ARHGEF28: variants seen among roughly 807,000 people sequenced by gnomAD.
ARHGEF28 encodes the protein 190 kDa guanine nucleotide exchange factor.
ARHGEF28 carries 152 observed loss-of-function variants against 206.6 expected under a neutral mutation model. The observed-to-expected ratio is 0.74, with a 90% confidence interval of 0.64 to 0.84. ARHGEF28 has a LOEUF of 0.84. Among genes scored for constraint, ARHGEF28 ranks in the 40% least tolerant of loss-of-function variants. The pLI, the probability that ARHGEF28 is intolerant of heterozygous loss-of-function variation, is 0.00. For synonymous variants in ARHGEF28, 763 were observed against 776.4 expected (o/e 0.98, Z 0.29); for missense variants, 2,028 against 2,073.2 (o/e 0.98, Z 0.42).
intron 9 of ARHGEF28, among the ~76,000 whole-genome samples, chr5:73,796,130 T>C (rs1171459876): frequency 6.6e-6 from 1 of 152,188 alleles, no homozygotes; most frequent in Non-Finnish European, 1.5e-5. Flanking sequence ...GAATAGAGCA[T>C]AATGAAGCTA....
intron 2 of ARHGEF28, among the ~76,000 whole-genome samples, chr5:73,704,194 G>A (rs531812664): frequency 4.6e-5 from 7 of 152,154 alleles, no homozygotes; most frequent in African/African-American, 1.4e-4. Context: ...TCCTCATGAT[G>A]TTAACAGCCC....
chr5:73,832,785 A>C (rs1028172617), intron 10 of ARHGEF28, among the ~76,000 whole-genome samples: 1 of 152,200 alleles, frequency 6.6e-6, no homozygotes, highest in Non-Finnish European at 1.5e-5. Flanking sequence ...ACAGCTTTTC[A>C]AAAAACAGTA....
intron 29 of ARHGEF28, among the ~76,000 whole-genome samples, chr5:73,895,814 C>G (rs1367820587): frequency 6.6e-6 from 1 of 152,168 alleles, no homozygotes; most frequent in African/African-American, 2.4e-5. Context: ...TTAACTGGCT[C>G]TTTGCAGAAA....
At chr5:73,784,868 C>A (rs558592142) in intron 7 of ARHGEF28, among the ~76,000 whole-genome samples, 1 of 152,194 alleles carries the variant, frequency 6.6e-6, no homozygotes, top group Admixed American at 6.5e-5. Context: ...GCTTTGGGGT[C>A]ATTAGTAAGT....
chr5:73,636,752 C>T (rs377216195), intron 1 of ARHGEF28, among the ~76,000 whole-genome samples: 2 of 152,160 alleles, frequency 1.3e-5, no homozygotes, highest in Non-Finnish European at 2.9e-5. Context: ...TCACCTTTCT[C>T]GGCTCTGGTG....
intron 9 of ARHGEF28, among the ~76,000 whole-genome samples, chr5:73,816,844 A>G (rs1051845115): frequency 3.9e-5 from 6 of 152,318 alleles, no homozygotes; most frequent in Admixed American, 1.3e-4. Context: ...TTCCTTGCAT[A>G]GGCAGCCCCA....
chr5:73,857,160 G>T (rs560779440), intron 14 of ARHGEF28, among the ~76,000 whole-genome samples: 56 of 152,172 alleles, frequency 3.7e-4, no homozygotes, highest in Non-Finnish European at 5.9e-4. Context: ...TTCTCAGGCC[G>T]TATCAACAGA....
At chr5:73,799,002 C>T (rs979560505) in intron 9 of ARHGEF28, among the ~76,000 whole-genome samples, 3 of 152,190 alleles carry the variant, frequency 2.0e-5, no homozygotes, top group Admixed American at 1.3e-4. Context: ...AGGACAATGG[C>T]TTGAACCTGG....
chr5:73,847,126 T>A (rs183869746), intron 12 of ARHGEF28, among the ~76,000 whole-genome samples: 6 of 152,334 alleles, frequency 3.9e-5, no homozygotes, highest in African/African-American at 1.4e-4. Flanking sequence ...TTTTCCCTGT[T>A]TGATTTGTTA....
chr5:73,932,557 C>T (rs1453307956), intron 35 of ARHGEF28, among the ~76,000 whole-genome samples: 2 of 152,106 alleles, frequency 1.3e-5, no homozygotes, highest in African/African-American at 4.8e-5. Context: ...ATCTTGACTA[C>T]ATTTTCAGTT....
At chr5:73,789,534 G>T (rs938370700) in intron 7 of ARHGEF28, among the ~76,000 whole-genome samples, 1 of 152,002 alleles carries the variant, frequency 6.6e-6, no homozygotes, top group Non-Finnish European at 1.5e-5. Flanking sequence ...CCATTGAAGT[G>T]TATACTCTAA....
In ARHGEF28 at chr5:73,898,112, CT is replaced by C. The variant is rs1762065922; in HGVS notation, c.3973+21del. ...ACTGCCTGTAAGTGAAAATGCAGGC[CT>C]TGGCAATGAGCCTGAGCACAGTCCC... On this transcript the variant is annotated intron_variant, in intron 30 of 35. Transcript: ENST00000513042. 1.2e-6 allele frequency: 2 copies of C among 1,607,894 alleles called. No individual in the cohort carries two copies. Among genetic ancestry groups the C allele is most frequent in the Middle Eastern group, 1.7e-4 (1 of 6,052 alleles).
rs10473959 is a variant in ARHGEF28 at position 73,776,679 on chromosome 5, A to C, written c.823A>C (p.Arg275=). The C allele has an allele frequency of 0.032, 52,403 of 1,613,052 alleles. 1,070 individuals are homozygous for C. The highest frequency in any genetic ancestry group is 0.083 in the African/African-American group (6,209 of 75,004). ...ACTCTTCCGGAAATACTTTTGGGAT[A>C]GAGCCTTTCTTGTCAAGGTTTGTAC... ...IKLFRKYFWD[R]AFLVKAFEPE... is the part of the protein sequence containing the mutation. Residue 275 remains arginine, a synonymous_variant, in exon 6 of 36, where the codon AGA becomes CGA. Transcript: ENST00000513042.
chr5:73,742,684 C>T (rs1307646576), intron 2 of ARHGEF28, among the ~76,000 whole-genome samples: 1 of 150,686 alleles, frequency 6.6e-6, no homozygotes, highest in Non-Finnish European at 1.5e-5. Flanking sequence ...CTTAGCCGGG[C>T]GCGGTGGCGG....
chr5:73,657,417 G>C (rs957180144), intron 1 of ARHGEF28, among the ~76,000 whole-genome samples: 6 of 152,080 alleles, frequency 3.9e-5, no homozygotes, highest in African/African-American at 1.2e-4. Context: ...TGTCAAGTTG[G>C]CCTGTTCCTT....
chr5:73,812,822 A>G (rs912344431), intron 9 of ARHGEF28, among the ~76,000 whole-genome samples: 4 of 152,194 alleles, frequency 2.6e-5, no homozygotes, highest in Non-Finnish European at 2.9e-5. Flanking sequence ...AAATACCCCA[A>G]TTGTGCTAAA....
At chr5:73,797,667 A>G (rs192161120) in intron 9 of ARHGEF28, among the ~76,000 whole-genome samples, 26 of 152,330 alleles carry the variant, frequency 1.7e-4, no homozygotes, top group Admixed American at 7.8e-4. Context: ...TACAGTCATG[A>G]GGCACCACAT....
chr5:73,774,354 A>C (rs575251642), intron 5 of ARHGEF28, among the ~76,000 whole-genome samples: 1 of 152,322 alleles, frequency 6.6e-6, no homozygotes, highest in East Asian at 1.9e-4. Context: ...ATTATGATTA[A>C]TTCAGAATGT....
chr5:73,749,732 T>C lies in ARHGEF28; in HGVS notation c.34-105T>C, dbSNP rs2112396183. On this transcript the variant is annotated intron_variant, in intron 2 of 35. Transcript: ENST00000513042. The stretch of plus-strand genomic sequence containing the variant: ...GCTATTTGAACTCAACCACATGAAG[T>C]GAACATAACAAATGACACTGTTATG... 3 of 1,259,634 alleles carry C rather than the reference T, an allele frequency of 2.4e-6. No homozygotes were observed. The South Asian group carries it at 4.4e-5, about 19-fold the overall frequency. 78.0% of individuals were successfully genotyped at this position (1,259,634 alleles called of 1,614,324 possible).
Sources: gnomAD v4.1 joint callset for allele counts (sites outside exome capture counted in the v4.1 genomes callset) on GRCh38, gnomAD v4.1.1 for gene constraint, MANE v1.5 for transcripts, NCBI Gene and HGNC (gene_info 2026-07-23, HGNC 2026-07-21) for gene names.